OTUD7A: variants seen among roughly 807,000 people sequenced by gnomAD.
OTUD7A encodes the protein OTU deubiquitinase 7A, also known as OTU domain-containing protein 7A.
Under a neutral mutation model 65.7 loss-of-function variants are expected in OTUD7A, and 12 were observed. The observed-to-expected ratio is 0.18, with a 90% CI of 0.12 to 0.30. The LOEUF (loss-of-function observed/expected upper bound fraction) is 0.30, where lower values mean the gene tolerates loss of function less well. Ranked by LOEUF, OTUD7A falls within the 10% of genes least tolerant of loss-of-function variation. The pLI is 1.00. For missense variants in OTUD7A, 1,148 were observed against 1,304.8 expected, an observed-to-expected ratio of 0.88 and a Z score of 1.85; for synonymous variants, 641 against 586.3, an observed-to-expected ratio of 1.09 and a Z score of -1.35.
chr15:31,549,904 T>C (rs777781581), intron 5 of OTUD7A, among the ~76,000 whole-genome samples: 3 of 152,058 alleles, frequency 2.0e-5, no homozygotes, highest in South Asian at 2.1e-4. Context: ...AGCATTACTG[T>C]AGGCAACATG....
intron 3 of OTUD7A, among the ~76,000 whole-genome samples, chr15:31,596,357 T>C (rs893346462): frequency 6.6e-6 from 1 of 152,226 alleles, no homozygotes; most frequent in Non-Finnish European, 1.5e-5. Context: ...ACTGTGCGGA[T>C]GCGCTGCAGT....
chr15:31,846,624 G>A (rs953282744), intron 1 of OTUD7A, among the ~76,000 whole-genome samples: 11 of 152,112 alleles, frequency 7.2e-5, no homozygotes, highest in East Asian at 1.9e-4. Flanking sequence ...CCCAGCCCCC[G>A]GTGAGCCCCC....
intron 1 of OTUD7A, among the ~76,000 whole-genome samples, chr15:31,731,659 G>C (rs1432086549): frequency 6.6e-6 from 1 of 152,196 alleles, no homozygotes; most frequent in East Asian, 1.9e-4. Context: ...AACCCGTGGA[G>C]TGTACAACAG....
intron 1 of OTUD7A, among the ~76,000 whole-genome samples, chr15:31,682,716 G>A (rs989078863): frequency 6.6e-6 from 1 of 152,158 alleles, no homozygotes; most frequent in African/African-American, 2.4e-5. Context: ...CATAGACTAG[G>A]TGTGCCTGTA....
intron 1 of OTUD7A, among the ~76,000 whole-genome samples, chr15:31,762,309 C>T (rs1894987367): frequency 6.6e-6 from 1 of 152,194 alleles, no homozygotes. Flanking sequence ...GTCTCAAGGG[C>T]TTGGAGCAAA....
intron 1 of OTUD7A, among the ~76,000 whole-genome samples, chr15:31,797,368 A>C (rs912166058): frequency 3.3e-5 from 5 of 152,208 alleles, no homozygotes; most frequent in Non-Finnish European, 5.9e-5. Flanking sequence ...ATAAAGCAGC[A>C]AATTTTTATT....
chr15:31,679,291 TG>T (rs1892660245), intron 1 of OTUD7A, among the ~76,000 whole-genome samples: 1 of 152,224 alleles, frequency 6.6e-6, no homozygotes, highest in African/African-American at 2.4e-5. Flanking sequence ...CTTGGACTTC[TG>T]GGTTAATGCT....
intron 10 of OTUD7A, among the ~76,000 whole-genome samples, chr15:31,500,683 T>C (rs1345000954): frequency 1.3e-5 from 2 of 152,226 alleles, no homozygotes; most frequent in African/African-American, 2.4e-5. Context: ...GCAATCTTGT[T>C]GCTATATTTA....
chr15:31,789,884 A>G (rs1895769638), intron 1 of OTUD7A, among the ~76,000 whole-genome samples: 1 of 152,090 alleles, frequency 6.6e-6, no homozygotes, highest in Admixed American at 6.5e-5. Flanking sequence ...TAAAAATACA[A>G]AAGTAGCCAA....
intron 3 of OTUD7A, among the ~76,000 whole-genome samples, chr15:31,577,455 G>A (rs2141180059): frequency 6.6e-6 from 1 of 152,212 alleles, no homozygotes; most frequent in South Asian, 2.1e-4. Flanking sequence ...TATGACCTGT[G>A]ACCATCCCCA....
chr15:31,699,206 A>C (rs1893155856), intron 1 of OTUD7A, among the ~76,000 whole-genome samples: 1 of 150,902 alleles, frequency 6.6e-6, no homozygotes, highest in Non-Finnish European at 1.5e-5. Flanking sequence ...CAGCCTCCCG[A>C]GTAGCTGGGA....
intron 1 of OTUD7A, among the ~76,000 whole-genome samples, chr15:31,852,553 C>T (rs1410018509): frequency 6.6e-6 from 1 of 152,192 alleles, no homozygotes; most frequent in Non-Finnish European, 1.5e-5. Context: ...ACACAAAGTT[C>T]ATAACCTTCA....
intron 1 of OTUD7A, among the ~76,000 whole-genome samples, chr15:31,858,498 GA>G (rs1897636779): frequency 6.6e-6 from 1 of 152,182 alleles, no homozygotes; most frequent in Non-Finnish European, 1.5e-5. Context: ...CCACCTTGCA[GA>G]ACAGGGCAGC....
chr15:31,769,849 G>C (rs1450682038), intron 1 of OTUD7A, among the ~76,000 whole-genome samples: 1 of 152,170 alleles, frequency 6.6e-6, no homozygotes, highest in Non-Finnish European at 1.5e-5. Flanking sequence ...GCTTGGGGGA[G>C]TTTTGCCAGG....
intron 3 of OTUD7A, among the ~76,000 whole-genome samples, chr15:31,620,400 A>G (rs2141235329): frequency 6.6e-6 from 1 of 152,078 alleles, no homozygotes; most frequent in Non-Finnish European, 1.5e-5. Context: ...CTGGTCCTGG[A>G]CTTTTTTTGG....
At chr15:31,647,993 A>G (rs1891727128) in intron 3 of OTUD7A, among the ~76,000 whole-genome samples, 1 of 152,134 alleles carries the variant, frequency 6.6e-6, no homozygotes, top group Admixed American at 6.6e-5. Flanking sequence ...GAGGGACGGA[A>G]TAGGACTAGA....
At position 31,487,598 on chromosome 15, in the gene OTUD7A, G is replaced by T; in HGVS notation, c.1172-32C>A. Reference sequence around the variant, plus strand: ...CAGAAGAGACAGAGCCGTGCTTGGAGCCCCGGCAGTCCCCAGGCAGGATGG... The same window carrying T: ...CAGAAGAGACAGAGCCGTGCTTGGATCCCCGGCAGTCCCCAGGCAGGATGG... On this transcript the variant is annotated intron_variant, in intron 10 of 12. Transcript: ENST00000307050. This position sits in a 1 kb window ranked among gnomAD's most constrained non-coding sequence, Gnocchi z 6.0. 6.3e-7 allele frequency: 1 copy of T among 1,576,480 alleles called. No homozygotes were observed. Among genetic ancestry groups the T allele is most frequent in the Non-Finnish European group, 8.6e-7 (1 of 1,156,670 alleles).
In OTUD7A at chr15:31,498,476, A is replaced by G. The variant is rs1331353745; in HGVS notation, c.1171+3214T>C. 6.6e-6 allele frequency among the ~76,000 whole-genome samples: 1 copy of G among 152,186 alleles called. No homozygotes were observed. Among genetic ancestry groups the G allele is most frequent in the African/African-American group, 2.4e-5 (1 of 41,434 alleles). ...TGGGATTGTTGCACTGGATGATTCC[A>G]AAGTTCTTTCCTAGGTTCTATGTTT... On this transcript the variant is annotated intron_variant, in intron 10 of 12. Transcript: ENST00000307050. The surrounding 1 kb of genome is among the most constrained non-coding windows in gnomAD (Gnocchi z 4.2).
chr15:31,500,397 T>A (rs377117608), intron 10 of OTUD7A, among the ~76,000 whole-genome samples: 10 of 152,266 alleles, frequency 6.6e-5, no homozygotes, highest in Admixed American at 5.9e-4. Context: ...TCTCTCTTCC[T>A]GTGACTTGGG....
Sources: allele counts gnomAD v4.1 joint callset (sites outside exome capture counted in the v4.1 genomes callset), GRCh38; gene constraint gnomAD v4.1.1; non-coding constraint Gnocchi (gnomAD v3.1); transcripts MANE v1.5; gene names NCBI Gene and HGNC (gene_info 2026-07-23, HGNC 2026-07-21).